Variants in PRP4K observed in about 807,000 individuals in gnomAD.
PRP4K encodes pre-mRNA processing factor kinase PRP4K, also known as serine/threonine-protein kinase PRP4 homolog.
the PRP4K span, chr6:4,058,782 A>G: frequency 1.9e-6 from 3 of 1,613,006 alleles, no homozygotes; most frequent in Non-Finnish European, 2.5e-6. Context: ...TCTCAACTTC[A>G]TGTACATAGA....
At chr6:4,060,200 A>G in the PRP4K span, among the ~76,000 whole-genome samples, 1 of 152,184 alleles carries the variant, frequency 6.6e-6, no homozygotes, top group Non-Finnish European at 1.5e-5. The surrounding 1 kb of genome is among the most constrained non-coding windows in gnomAD (Gnocchi z 4.7). Context: ...GTATCTAAAC[A>G]TAGAAAAGGG....
chr6:4,033,871 T>G, the PRP4K span, among the ~76,000 whole-genome samples: 1 of 152,144 alleles, frequency 6.6e-6, no homozygotes, highest in Non-Finnish European at 1.5e-5. Context: ...AGGCAGTGAT[T>G]AGTTTTACTG....
the PRP4K span, chr6:4,021,550 G>A: frequency 3.9e-6 from 6 of 1,530,650 alleles, no homozygotes; most frequent in East Asian, 2.4e-5. Flanking sequence ...GAAAGTTCGG[G>A]CCTAACGGCG....
chr6:4,053,535 TC>T, the PRP4K span, among the ~76,000 whole-genome samples: 1 of 142,702 alleles, frequency 7.0e-6, no homozygotes, highest in African/African-American at 2.6e-5. Context: ...TTAATTCTCT[TC>T]GACTAGTGAC....
At chr6:4,059,480 A>G in the PRP4K span, among the ~76,000 whole-genome samples, 6 of 152,186 alleles carry the variant, frequency 3.9e-5, no homozygotes, top group African/African-American at 1.2e-4. Context: ...TTGTCCCATT[A>G]TTATAGCATA....
At chr6:4,026,364 G>A in the PRP4K span, among the ~76,000 whole-genome samples, 14 of 141,918 alleles carry the variant, frequency 9.9e-5, no homozygotes, top group African/African-American at 3.2e-4. Flanking sequence ...GTGCAATGGC[G>A]CAATCTTGGG....
At chr6:4,050,651 T>C in the PRP4K span, 1 of 158,462 alleles carries the variant, frequency 6.3e-6, no homozygotes, top group Admixed American at 6.1e-5. Flanking sequence ...TATCTGTGTG[T>C]TTTAATACCA....
At chr6:4,056,638 A>C in the PRP4K span, 1 of 1,576,972 alleles carries the variant, frequency 6.3e-7, no homozygotes, top group Non-Finnish European at 8.6e-7. Context: ...AGAGTAGCAA[A>C]ACAGTTGTGG....
At chr6:4,050,735 T>A in the PRP4K span, among the ~76,000 whole-genome samples, 3 of 152,218 alleles carry the variant, frequency 2.0e-5, no homozygotes, top group Non-Finnish European at 2.9e-5. Flanking sequence ...TAGATTGCCC[T>A]AGGCTTAGAA....
the PRP4K span, among the ~76,000 whole-genome samples, chr6:4,023,328 C>A: frequency 2.6e-5 from 4 of 152,078 alleles, no homozygotes; most frequent in Non-Finnish European, 4.4e-5. Flanking sequence ...TTTTAACAAC[C>A]CTATGGAGGT....
the PRP4K span, chr6:4,049,761 C>T: frequency 7.4e-6 from 12 of 1,612,898 alleles, no homozygotes; most frequent in Middle Eastern, 1.8e-4. Context: ...CCTAGATAAA[C>T]GTTACAATGT....
chr6:4,049,567 ACT>A, the PRP4K span: 5 of 653,412 alleles, frequency 7.7e-6, no homozygotes, highest in Non-Finnish European at 1.0e-5. Flanking sequence ...TTCTAACCAC[ACT>A]CTGATAGAGT....
the PRP4K span, among the ~76,000 whole-genome samples, chr6:4,057,772 T>G: frequency 2.8e-5 from 2 of 70,706 alleles, no homozygotes; most frequent in Non-Finnish European, 5.7e-5. Flanking sequence ...TTTTTTTTTT[T>G]GAGACGGAGT....
At chr6:4,032,577 A>T in the PRP4K span, 1 of 1,613,676 alleles carries the variant, frequency 6.2e-7, no homozygotes, top group African/African-American at 1.3e-5. Context: ...TAAAAGAAGA[A>T]GTTTGTCTCC....
chr6:4,031,051 C>G, the PRP4K span, among the ~76,000 whole-genome samples: 11 of 152,048 alleles, frequency 7.2e-5, no homozygotes, highest in Non-Finnish European at 1.6e-4. Flanking sequence ...AACAAGTGAC[C>G]TGCTGGGTTT....
the PRP4K span, among the ~76,000 whole-genome samples, chr6:4,046,270 T>TATAC: frequency 2.0e-5 from 3 of 152,238 alleles, no homozygotes; most frequent in East Asian, 1.9e-4. Context: ...AGTGCTTGTA[T>TATAC]ATCCAGAGCC....
the PRP4K span, among the ~76,000 whole-genome samples, chr6:4,039,530 T>C: frequency 6.6e-6 from 1 of 152,104 alleles, no homozygotes. Context: ...TTCCACTGAG[T>C]TGGGGAGGGG....
chr6:4,039,756 A>G, the PRP4K span, among the ~76,000 whole-genome samples: 1 of 152,078 alleles, frequency 6.6e-6, no homozygotes, highest in Non-Finnish European at 1.5e-5. Context: ...TCCAATTTGC[A>G]CATTCTAAGA....
the PRP4K span, among the ~76,000 whole-genome samples, chr6:4,022,572 T>C: frequency 6.6e-6 from 1 of 151,716 alleles, no homozygotes; most frequent in Non-Finnish European, 1.5e-5. Flanking sequence ...ATAGAAGAAA[T>C]CTTTGCCACC....
Sources: allele counts gnomAD v4.1 joint callset (sites outside exome capture counted in the v4.1 genomes callset), GRCh38; gene constraint gnomAD v4.1.1; non-coding constraint Gnocchi (gnomAD v3.1); transcripts MANE v1.5; gene names NCBI Gene and HGNC (gene_info 2026-07-23, HGNC 2026-07-21).